RBFOX1: variants seen among roughly 807,000 people sequenced by gnomAD.
RBFOX1 encodes the protein RNA binding protein fox-1 homolog 1.
Under a neutral mutation model 57.7 loss-of-function variants are expected in RBFOX1, and 8 were observed. The observed-to-expected ratio is 0.14, with a 90% confidence interval of 0.08 to 0.25. The LOEUF (loss-of-function observed/expected upper bound fraction) is 0.25, where lower values mean the gene tolerates loss of function less well. RBFOX1 is among the 10% of genes least tolerant of loss of function. The probability of loss-of-function intolerance (pLI) is 1.00; values close to 1 mark genes in which losing one functional copy is unlikely to be tolerated. For synonymous variants in RBFOX1, 326 were observed against 222.4 expected, an observed-to-expected ratio of 1.47 and a Z score of -4.15; for missense variants, 611 against 548.5, an observed-to-expected ratio of 1.11 and a Z score of -1.14.
intron 4 of RBFOX1, among the ~76,000 whole-genome samples, chr16:7,487,307 C>A (rs1384325756): frequency 6.6e-6 from 1 of 152,170 alleles, no homozygotes; most frequent in East Asian, 1.9e-4. Flanking sequence ...ATAGCGGCCC[C>A]ATCACTGTCT....
At chr16:6,440,856 G>A (rs1016908883) in intron 2 of RBFOX1, among the ~76,000 whole-genome samples, 1 of 151,470 alleles carries the variant, frequency 6.6e-6, no homozygotes, top group African/African-American at 2.4e-5. Flanking sequence ...GATATCGAAT[G>A]AGTCCAGTCA....
chr16:5,548,170 AAAAAATATATATATATAT>A (rs1283526759), intron 2 of RBFOX1, among the ~76,000 whole-genome samples: 3 of 40,714 alleles, frequency 7.4e-5, no homozygotes, highest in African/African-American at 1.4e-4. Context: ...AAAAAAAAAA[AAAAAATATATATATATAT>A]ATATATATAT....
At chr16:5,749,955 T>C (rs991430981) in intron 3 of RBFOX1, among the ~76,000 whole-genome samples, 2 of 152,206 alleles carry the variant, frequency 1.3e-5, no homozygotes, top group African/African-American at 4.8e-5. Flanking sequence ...ATTTTTAGAA[T>C]TTTCAGCTTT....
chr16:7,415,448 C>T (rs949456990), intron 4 of RBFOX1, among the ~76,000 whole-genome samples: 2 of 152,078 alleles, frequency 1.3e-5, no homozygotes, highest in African/African-American at 4.8e-5. Flanking sequence ...ACTGAATTTC[C>T]CAGCAATGAG....
intron 4 of RBFOX1, among the ~76,000 whole-genome samples, chr16:7,398,366 A>G (rs1423050548): frequency 6.6e-6 from 1 of 152,226 alleles, no homozygotes; most frequent in Admixed American, 6.5e-5. Context: ...TCTCAGTGTT[A>G]CAGAAAATTT....
intron 3 of RBFOX1, chr16:6,748,950 G>T (rs543589099): frequency 6.6e-6 from 1 of 152,210 alleles, no homozygotes; most frequent in African/African-American, 2.4e-5. Flanking sequence ...AACCTTTCTG[G>T]TTTTTGCTAG....
intron 2 of RBFOX1, among the ~76,000 whole-genome samples, chr16:6,349,465 T>C (rs1426189295): frequency 1.3e-5 from 2 of 152,152 alleles, no homozygotes; most frequent in African/African-American, 4.8e-5. Flanking sequence ...ATTAAAATAA[T>C]GAGGATCAAA....
At chr16:5,674,433 G>A (rs1185065173) in intron 3 of RBFOX1, among the ~76,000 whole-genome samples, 2 of 152,154 alleles carry the variant, frequency 1.3e-5, no homozygotes, top group Admixed American at 6.5e-5. Flanking sequence ...CCGGGCGCAG[G>A]TTGATAGTGA....
intron 1 of RBFOX1, among the ~76,000 whole-genome samples, chr16:5,242,241 C>G (rs1486770639): frequency 1.3e-5 from 2 of 152,074 alleles, no homozygotes; most frequent in Non-Finnish European, 2.9e-5. Flanking sequence ...GGCAGAAACC[C>G]CACTGAATTT....
intron 1 of RBFOX1, among the ~76,000 whole-genome samples, chr16:6,149,880 C>G (rs989603620): frequency 6.6e-6 from 1 of 152,188 alleles, no homozygotes; most frequent in Non-Finnish European, 1.5e-5. Flanking sequence ...CTCTAAATTG[C>G]TATACAAATA....
intron 4 of RBFOX1, among the ~76,000 whole-genome samples, chr16:7,218,855 C>G (rs2092486537): frequency 6.6e-6 from 1 of 152,012 alleles, no homozygotes; most frequent in Non-Finnish European, 1.5e-5. Flanking sequence ...TGGACTTGCA[C>G]CTGACTCACC....
At chr16:5,524,709 T>A (rs1177428354) in intron 2 of RBFOX1, among the ~76,000 whole-genome samples, 1 of 151,938 alleles carries the variant, frequency 6.6e-6, no homozygotes, top group Non-Finnish European at 1.5e-5. Flanking sequence ...ACTGGCTAAT[T>A]TTTGTATTTT....
intron 3 of RBFOX1, among the ~76,000 whole-genome samples, chr16:6,666,987 A>G (rs2098737145): frequency 6.6e-6 from 1 of 152,122 alleles, no homozygotes; most frequent in African/African-American, 2.4e-5. Context: ...TGACTCTAGG[A>G]TGGGTCTCTG....
chr16:6,740,385 C>G lies in RBFOX1; in HGVS notation c.-16+85735C>G, dbSNP rs997075221. 9.9e-5 allele frequency among the ~76,000 whole-genome samples: 15 copies of G among 152,172 alleles called. No homozygotes were observed. The East Asian group carries it at 1.7e-3, about 18-fold the overall frequency. On this transcript the variant is annotated intron_variant, in intron 3 of 15. Transcript: ENST00000550418. Reference sequence around the variant, plus strand: ...TGCTATTCAACATAGTAGGGAATTTCTAAACAGTGCAATAAGACAAGAAAT... The same window carrying G: ...TGCTATTCAACATAGTAGGGAATTTGTAAACAGTGCAATAAGACAAGAAAT...
chr16:6,650,326 G>C (rs1239963745), intron 2 of RBFOX1, among the ~76,000 whole-genome samples: 1 of 151,722 alleles, frequency 6.6e-6, no homozygotes, highest in East Asian at 1.9e-4. Flanking sequence ...TCTTCCCATA[G>C]CAAGGAAAAG....
In RBFOX1 at chr16:6,142,177, T is replaced by TTGC. The variant is rs373445407; in HGVS notation, c.-127+122195_-127+122197dup. On this transcript the variant is annotated intron_variant, in intron 1 of 15. Transcript: ENST00000550418. Reference sequence around the variant, plus strand: ...ATATAACCCCCTTCAGAGATCCTTGTTGCTGCTGCTGCAAAAAAAAAAAAA... The same window carrying TTGC: ...ATATAACCCCCTTCAGAGATCCTTGTTGCTGCTGCTGCTGCAAAAAAAAAAAAA... 3.5e-3 allele frequency among the ~76,000 whole-genome samples: 434 copies of TTGC among 123,418 alleles called. 3 individuals carry two copies. Among genetic ancestry groups the TTGC allele is most frequent in the African/African-American group, 5.3e-3 (159 of 29,780 alleles). The allele number at this position is 123,418 out of a possible 152,430, so 81.0% of individuals were successfully genotyped here. A position where few individuals can be genotyped will look rare whatever the true frequency, so the allele number is the denominator to read the frequency against.
At chr16:6,505,364 T>G (rs958132249) in intron 2 of RBFOX1, among the ~76,000 whole-genome samples, 2 of 152,206 alleles carry the variant, frequency 1.3e-5, no homozygotes, top group Admixed American at 6.5e-5. Context: ...CATTTATGAT[T>G]AGTAAAAATG....
chr16:7,395,640 T>G (rs1249770687), intron 4 of RBFOX1, among the ~76,000 whole-genome samples: 1 of 152,210 alleles, frequency 6.6e-6, no homozygotes, highest in African/African-American at 2.4e-5. Context: ...GGTTCTCATG[T>G]ATATGTAGCA....
rs182459120 is a variant in RBFOX1 at position 7,144,276 on chromosome 16, C to G, written c.27+92178C>G. ...TTAATGAAAGCAAAGAACTTCCTCCCCAGAGGAATTGATATATGCACAAAG... is the reference window on the plus strand; with the variant it reads ...TTAATGAAAGCAAAGAACTTCCTCCGCAGAGGAATTGATATATGCACAAAG... On this transcript the variant is annotated intron_variant, in intron 4 of 15. Coordinates refer to ENST00000550418, the MANE Select transcript of RBFOX1 (RefSeq NM_018723.4). Among the ~76,000 whole-genome samples, 119 of 152,154 alleles carry G rather than the reference C, an allele frequency of 7.8e-4. 2 individuals are homozygous for G. The East Asian group carries it at 0.017, about 22-fold the overall frequency.
Sources: allele counts gnomAD v4.1 joint callset (sites outside exome capture counted in the v4.1 genomes callset), GRCh38; gene constraint gnomAD v4.1.1; transcripts MANE v1.5; gene names NCBI Gene and HGNC (gene_info 2026-07-23, HGNC 2026-07-21).